DYRK1A: variants seen among roughly 807,000 people sequenced by gnomAD.
DYRK1A encodes dual specificity tyrosine-phosphorylation-regulated kinase 1A.
DYRK1A carries 9 observed loss-of-function variants against 79.7 expected under a neutral mutation model. That is an observed-to-expected ratio of 0.11 (90% CI 0.07 to 0.20). The LOEUF (loss-of-function observed/expected upper bound fraction) is 0.20, where lower values mean the gene tolerates loss of function less well. DYRK1A is among the 10% of genes least tolerant of loss of function. The pLI, the probability that DYRK1A is intolerant of heterozygous loss-of-function variation, is 1.00. For synonymous variants in DYRK1A, 349 were observed against 329.7 expected, an observed-to-expected ratio of 1.06 and a Z score of -0.63; for missense variants, 622 against 956.0, an observed-to-expected ratio of 0.65 and a Z score of 4.61.
At chr21:37,402,193 T>G (rs1422980786) in intron 1 of DYRK1A, among the ~76,000 whole-genome samples, 1 of 152,240 alleles carries the variant, frequency 6.6e-6, no homozygotes, top group Admixed American at 6.5e-5. Flanking sequence ...TAAATATAAG[T>G]ATCCAAAGGA....
chr21:37,424,574 A>G (rs770906263), intron 2 of DYRK1A, among the ~76,000 whole-genome samples: 29 of 152,174 alleles, frequency 1.9e-4, no homozygotes, highest in Non-Finnish European at 3.7e-4. Context: ...GCCCTACATC[A>G]TCAAAAGCTA....
Position 37,401,551 on chromosome 21 carries a change from C to T in DYRK1A, c.-76-18748C>T, listed in dbSNP as rs185235589. Among the ~76,000 whole-genome samples the T allele has an allele frequency of 1.0e-4, 15 of 149,554 alleles. No individual in the cohort carries two copies. The East Asian group carries it at 2.7e-3, about 27-fold the overall frequency. The stretch of plus-strand genomic sequence containing the variant: ...AGGCTGGAGTGCAATGGTACCATCT[C>T]GGCTCACTGCAACCTGCGCCTCCTG... On this transcript the variant is annotated intron_variant, in intron 1 of 11. Transcript: ENST00000647188.
chr21:37,454,032 T>C (rs2051547532), intron 2 of DYRK1A, among the ~76,000 whole-genome samples: 1 of 150,312 alleles, frequency 6.7e-6, no homozygotes, highest in Non-Finnish European at 1.5e-5. Context: ...AGTCTTTACA[T>C]ACTTGAGTCC....
chr21:37,474,891 C>G (rs1015631415), intron 3 of DYRK1A, among the ~76,000 whole-genome samples: 2 of 152,070 alleles, frequency 1.3e-5, no homozygotes, highest in African/African-American at 4.8e-5. Context: ...GTTATAGATG[C>G]TATTCAGCTT....
intron 2 of DYRK1A, among the ~76,000 whole-genome samples, chr21:37,442,636 G>A (rs1300461554): frequency 6.6e-6 from 1 of 151,714 alleles, no homozygotes; most frequent in Non-Finnish European, 1.5e-5. Context: ...CTATGTCTCT[G>A]TTTGCTATGA....
chr21:37,400,891 T>A (rs2050040179), intron 1 of DYRK1A, among the ~76,000 whole-genome samples: 1 of 152,164 alleles, frequency 6.6e-6, no homozygotes, highest in Non-Finnish European at 1.5e-5. Flanking sequence ...ACGCCTGTAA[T>A]CCCAGCACTT....
Position 37,395,198 on chromosome 21 carries a change from C to T in DYRK1A, c.-76-25101C>T, listed in dbSNP as rs554505211. Among the ~76,000 whole-genome samples, 5 of 152,266 alleles carry T rather than the reference C, an allele frequency of 3.3e-5. No individual in the cohort carries two copies. In the South Asian group the frequency reaches 6.2e-4, roughly 19 times the overall value. On this transcript the variant is annotated intron_variant, in intron 1 of 11. Coordinates refer to ENST00000647188, the MANE Select transcript of DYRK1A (RefSeq NM_001347721.2). ...CTCATGGGCCAGATACATTGGAGTC[C>T]GTCCGAAAGCTCACTAGGAAATGTA...
At chr21:37,427,021 C>T (rs973735886) in intron 2 of DYRK1A, among the ~76,000 whole-genome samples, 11 of 151,798 alleles carry the variant, frequency 7.2e-5, no homozygotes, top group Non-Finnish European at 1.5e-4. Context: ...GAAGTTTCAA[C>T]ATACAAATAA....
At chr21:37,468,176 A>G (rs2052097512) in intron 2 of DYRK1A, among the ~76,000 whole-genome samples, 1 of 152,114 alleles carries the variant, frequency 6.6e-6, no homozygotes, top group African/African-American at 2.4e-5. Flanking sequence ...CAGTGGCACA[A>G]TCATAACTCA....
chr21:37,463,698 G>A (rs1366396231), intron 2 of DYRK1A, among the ~76,000 whole-genome samples: 1 of 152,188 alleles, frequency 6.6e-6, no homozygotes, highest in African/African-American at 2.4e-5. Flanking sequence ...CGTGAACAAA[G>A]CTTACTCATG....
intron 2 of DYRK1A, chr21:37,464,174 T>C: frequency 3.0e-6 from 1 of 331,846 alleles, no homozygotes; most frequent in Non-Finnish European, 6.0e-6. Flanking sequence ...CTCATGCTTT[T>C]TGTATTTGCT....
At chr21:37,391,899 G>T (rs937035355) in intron 1 of DYRK1A, among the ~76,000 whole-genome samples, 3 of 152,216 alleles carry the variant, frequency 2.0e-5, no homozygotes, top group Non-Finnish European at 4.4e-5. Flanking sequence ...CATGTAGTAG[G>T]TGTGTTCAGT....
chr21:37,451,820 C>T (rs2051462868), intron 2 of DYRK1A, among the ~76,000 whole-genome samples: 1 of 152,164 alleles, frequency 6.6e-6, no homozygotes, highest in Non-Finnish European at 1.5e-5. Flanking sequence ...GAGTAGGGGA[C>T]CAGTTCCCTG....
chr21:37,479,309 A>G (rs2148574807), intron 4 of DYRK1A, among the ~76,000 whole-genome samples: 1 of 152,332 alleles, frequency 6.6e-6, no homozygotes, highest in South Asian at 2.1e-4. Flanking sequence ...GCTTGTGATT[A>G]TCTGAATATA....
chr21:37,498,092 C>T (rs2053329103), intron 9 of DYRK1A, among the ~76,000 whole-genome samples: 1 of 152,018 alleles, frequency 6.6e-6, no homozygotes. Context: ...GGTTTGTTTA[C>T]TGATTTTATT....
At chr21:37,461,372 A>G (rs1404527252) in intron 2 of DYRK1A, among the ~76,000 whole-genome samples, 2 of 152,212 alleles carry the variant, frequency 1.3e-5, no homozygotes, top group Non-Finnish European at 2.9e-5. Context: ...TTTATATGTA[A>G]TAAACTCCAC....
chr21:37,475,652 G>C (rs777917448), intron 3 of DYRK1A, among the ~76,000 whole-genome samples: 2 of 152,208 alleles, frequency 1.3e-5, no homozygotes, highest in African/African-American at 2.4e-5. Context: ...GCTTGGCCTT[G>C]TAGGCAGAGT....
At chr21:37,401,920 T>C (rs2050061490) in intron 1 of DYRK1A, among the ~76,000 whole-genome samples, 1 of 152,220 alleles carries the variant, frequency 6.6e-6, no homozygotes, top group Non-Finnish European at 1.5e-5. Flanking sequence ...ATATACACAT[T>C]ACATATTTTC....
At chr21:37,448,169 G>C (rs1191426123) in intron 2 of DYRK1A, among the ~76,000 whole-genome samples, 1 of 152,166 alleles carries the variant, frequency 6.6e-6, no homozygotes, top group African/African-American at 2.4e-5. Context: ...TTACATAGAA[G>C]ATTAACGTGT....
Sources: gnomAD v4.1 joint callset for allele counts (sites outside exome capture counted in the v4.1 genomes callset) on GRCh38, gnomAD v4.1.1 for gene constraint, MANE v1.5 for transcripts, NCBI Gene and HGNC (gene_info 2026-07-23, HGNC 2026-07-21) for gene names.